Variants in TENM3 observed in about 807,000 individuals in gnomAD.
The protein encoded by TENM3 is teneurin transmembrane protein 3.
Under a neutral mutation model 255.1 loss-of-function variants are expected in TENM3, and 63 were observed. That is an observed-to-expected ratio of 0.25 (90% CI 0.20 to 0.30). The LOEUF (loss-of-function observed/expected upper bound fraction) is 0.30. Ranked by LOEUF, TENM3 falls within the 10% of genes least tolerant of loss-of-function variation. TENM3 has a pLI of 1.00. For missense variants in TENM3, 2,929 were observed against 3,461.1 expected (o/e 0.85, Z 3.86); for synonymous variants, 1,306 against 1,322.3 (o/e 0.99, Z 0.27).
chr4:182,211,254 G>A (rs1398842620), intron 1 of TENM3, among the ~76,000 whole-genome samples: 3 of 152,314 alleles, frequency 2.0e-5, no homozygotes. Context: ...TCACGAGAAG[G>A]ATAAATGCAT....
chr4:182,094,149 C>T, the TENM3 span, among the ~76,000 whole-genome samples: 6 of 152,026 alleles, frequency 3.9e-5, no homozygotes, highest in Non-Finnish European at 1.5e-5. Flanking sequence ...GCCCAGAAGT[C>T]TCAGAGCAAG....
the TENM3 span, among the ~76,000 whole-genome samples, chr4:181,457,433 G>A: frequency 1.3e-3 from 190 of 151,764 alleles, no homozygotes; most frequent in Non-Finnish European, 1.0e-3. Flanking sequence ...CTTCTTGGTA[G>A]TCATTTTTTT....
chr4:181,673,742 T>C, the TENM3 span, among the ~76,000 whole-genome samples: 2 of 152,146 alleles, frequency 1.3e-5, no homozygotes, highest in Non-Finnish European at 2.9e-5. Context: ...TGGGTAGTTA[T>C]CGTAACTTCA....
At chr4:182,199,538 A>C in intron 1 of TENM3, among the ~76,000 whole-genome samples, 1 of 152,152 alleles carries the variant, frequency 6.6e-6, no homozygotes, top group Non-Finnish European at 1.5e-5. Flanking sequence ...TACAATTTTA[A>C]AGAGTTGAAA....
the TENM3 span, among the ~76,000 whole-genome samples, chr4:181,595,440 A>AC: frequency 6.7e-6 from 1 of 148,444 alleles, no homozygotes. Context: ...CAAAAAAAAA[A>AC]AAAAAAAAAA....
At chr4:181,925,870 A>C in the TENM3 span, among the ~76,000 whole-genome samples, 1 of 152,208 alleles carries the variant, frequency 6.6e-6, no homozygotes, top group African/African-American at 2.4e-5. Context: ...CAGAAGGTGG[A>C]ATAGTGAAAA....
rs187375446 is a variant in TENM3, at chr4:182,649,682, T to C, written c.989-4089T>C. 5.8e-4 allele frequency among the ~76,000 whole-genome samples: 88 copies of C among 150,624 alleles called. 5 individuals carry two copies. Among genetic ancestry groups the C allele is most frequent in the Non-Finnish European group, 9.8e-4 (66 of 67,364 alleles). On this transcript the variant is annotated intron_variant, in intron 5 of 27. Transcript: ENST00000511685. Reference sequence around the variant, plus strand: ...TAATTTCATTACTATCATCATCATATTACTGTAAAACTTTAGTTTTAGACA... The same window carrying C: ...TAATTTCATTACTATCATCATCATACTACTGTAAAACTTTAGTTTTAGACA...
chr4:181,904,767 T>C, the TENM3 span, among the ~76,000 whole-genome samples: 2 of 152,210 alleles, frequency 1.3e-5, no homozygotes, highest in East Asian at 1.9e-4. Flanking sequence ...AATAGTGATA[T>C]GGTTTGGCTT....
chr4:182,386,516 A>G (rs62352324), intron 3 of TENM3, among the ~76,000 whole-genome samples: 36,306 of 152,160 alleles, frequency 0.24, 5,280 homozygotes, highest in African/African-American at 0.39. Context: ...TTCTGGGTTG[A>G]CCAAGGCTGG....
the TENM3 span, among the ~76,000 whole-genome samples, chr4:181,802,111 C>G: frequency 6.6e-6 from 1 of 152,128 alleles, no homozygotes; most frequent in Non-Finnish European, 1.5e-5. Context: ...AATTATGGCA[C>G]AAATACTTTT....
intron 3 of TENM3, among the ~76,000 whole-genome samples, chr4:182,412,087 C>G (rs927116835): frequency 3.9e-5 from 6 of 152,060 alleles, no homozygotes; most frequent in African/African-American, 1.4e-4. Context: ...GCAGCTGGGT[C>G]GTGACTGAAA....
chr4:181,615,471 A>C, the TENM3 span, among the ~76,000 whole-genome samples: 1 of 152,274 alleles, frequency 6.6e-6, no homozygotes, highest in East Asian at 1.9e-4. Flanking sequence ...TCAATCCTTC[A>C]GTTATAACCA....
intron 4 of TENM3, among the ~76,000 whole-genome samples, chr4:182,618,898 T>C (rs544722484): frequency 1.3e-5 from 2 of 152,058 alleles, no homozygotes; most frequent in Non-Finnish European, 2.9e-5. Context: ...AAAGAAATGC[T>C]ATAAAGGAAA....
the TENM3 span, among the ~76,000 whole-genome samples, chr4:181,658,116 C>G: frequency 6.6e-6 from 1 of 152,086 alleles, no homozygotes; most frequent in African/African-American, 2.4e-5. Flanking sequence ...TTATAACAAA[C>G]CTGCACATGT....
rs571508440 is a variant in TENM3 at position 182,400,940 on chromosome 4, G to A, written c.511+54011G>A. ...CAAGGCAAGGCATTGCCAGCTTCAA[G>A]ATTTGACTTTTGATAAATATAAATG... is the stretch of plus-strand genomic sequence containing the variant. On this transcript the variant is annotated intron_variant, in intron 3 of 27. Transcript: ENST00000511685. Among the ~76,000 whole-genome samples, 3 of 152,338 alleles carry A rather than the reference G, an allele frequency of 2.0e-5. No individual in the cohort carries two copies. The East Asian group carries it at 5.8e-4, about 29-fold the overall frequency.
chr4:181,495,288 G>A, the TENM3 span, among the ~76,000 whole-genome samples: 14,095 of 152,138 alleles, frequency 0.093, 790 homozygotes, highest in South Asian at 0.2. Flanking sequence ...GTTAGCGAAG[G>A]AGTTGGGAAA....
the TENM3 span, among the ~76,000 whole-genome samples, chr4:181,732,499 C>A: frequency 2.0e-5 from 3 of 152,032 alleles, no homozygotes; most frequent in Non-Finnish European, 4.4e-5. Context: ...GCCTAAGCAG[C>A]CATTATAATG....
chr4:181,532,037 T>C, the TENM3 span, among the ~76,000 whole-genome samples: 1 of 152,124 alleles, frequency 6.6e-6, no homozygotes, highest in South Asian at 2.1e-4. Context: ...GAGAAAAATA[T>C]TGCAGAAAGA....
At chr4:181,680,098 T>A in the TENM3 span, among the ~76,000 whole-genome samples, 1 of 152,082 alleles carries the variant, frequency 6.6e-6, no homozygotes. Context: ...GGTGTAAACA[T>A]TTTATTTTGT....
Sources: gnomAD v4.1 joint callset for allele counts (sites outside exome capture counted in the v4.1 genomes callset) on GRCh38, gnomAD v4.1.1 for gene constraint, MANE v1.5 for transcripts, NCBI Gene and HGNC (gene_info 2026-07-23, HGNC 2026-07-21) for gene names.